SCD5: variants seen among roughly 807,000 people sequenced by gnomAD.
SCD5 encodes acyl-CoA-desaturase 4.
A neutral mutation model predicts 30.4 loss-of-function variants in SCD5; 20 were observed. That is an observed-to-expected ratio of 0.66 (90% confidence interval 0.46 to 0.96). The LOEUF is 0.96. SCD5 is among the 40% of genes least tolerant of loss of function. The pLI is 0.00. For synonymous variants in SCD5, 173 were observed against 176.4 expected (o/e 0.98, Z 0.16); for missense variants, 381 against 443.3 (o/e 0.86, Z 1.26).
chr4:82,791,824 A>G (rs1722104521), intron 1 of SCD5, among the ~76,000 whole-genome samples: 2 of 152,196 alleles, frequency 1.3e-5, no homozygotes, highest in Admixed American at 6.5e-5. Context: ...AACAACAACA[A>G]CAACAAAACC....
At chr4:82,785,660 A>G (rs573632282) in intron 1 of SCD5, among the ~76,000 whole-genome samples, 22 of 152,318 alleles carry the variant, frequency 1.4e-4, no homozygotes, top group African/African-American at 5.3e-4. Flanking sequence ...CCTGCTAAAA[A>G]TGACAAGGGG....
intron 2 of SCD5, among the ~76,000 whole-genome samples, chr4:82,704,055 A>C (rs1719916574): frequency 1.3e-5 from 2 of 152,262 alleles, no homozygotes; most frequent in South Asian, 4.1e-4. Context: ...AATGACAAGC[A>C]GTATATATAC....
At chr4:82,739,430 T>A (rs984032189) in intron 1 of SCD5, among the ~76,000 whole-genome samples, 1 of 152,250 alleles carries the variant, frequency 6.6e-6, no homozygotes, top group Non-Finnish European at 1.5e-5. Flanking sequence ...TTATGAAGCC[T>A]GGTAATGCCC....
intron 1 of SCD5, among the ~76,000 whole-genome samples, chr4:82,711,183 TC>T (rs57938783): frequency 0.032 from 4,866 of 150,338 alleles, 256 homozygotes; most frequent in African/African-American, 0.11. Flanking sequence ...TCTGAAAAGA[TC>T]CCCCCCCCGA....
intron 2 of SCD5, among the ~76,000 whole-genome samples, chr4:82,698,813 G>A (rs1719752294): frequency 6.6e-6 from 1 of 152,182 alleles, no homozygotes; most frequent in Admixed American, 6.5e-5. Flanking sequence ...TTGTAAAGAT[G>A]CCCCATCTTG....
intron 2 of SCD5, among the ~76,000 whole-genome samples, chr4:82,704,473 G>T (rs891864629): frequency 6.6e-6 from 1 of 152,190 alleles, no homozygotes; most frequent in African/African-American, 2.4e-5. Context: ...AGTACCCAAG[G>T]AAAGTACCCA....
rs561903567 is a variant in SCD5 at position 82,735,224 on chromosome 4, T to C, written c.233-29811A>G. Among the ~76,000 whole-genome samples, 196 of 152,294 alleles carry C rather than the reference T, an allele frequency of 1.3e-3. 1 individual carries two copies. Among genetic ancestry groups the C allele is most frequent in the African/African-American group, 4.6e-3 (191 of 41,560 alleles). ...GGTTTGCAAGTTCTCCCCATGTCTGTATGGGTTTTCTCTGGGTACTCTGGT... is the reference window on the plus strand; with the variant it reads ...GGTTTGCAAGTTCTCCCCATGTCTGCATGGGTTTTCTCTGGGTACTCTGGT... On this transcript the variant is annotated intron_variant, in intron 1 of 4. Transcript: ENST00000319540.
chr4:82,680,679 C>A (rs747812321), intron 3 of SCD5, 28 bp downstream of exon 3: 11 of 1,609,528 alleles, frequency 6.8e-6, no homozygotes, highest in Non-Finnish European at 9.4e-6. Context: ...CCCTGAGGGA[C>A]AGCTCTCCGT....
intron 1 of SCD5, among the ~76,000 whole-genome samples, chr4:82,789,985 C>T (rs1380712912): frequency 6.6e-6 from 1 of 151,922 alleles, no homozygotes; most frequent in East Asian, 1.9e-4. Context: ...GTAATTTTTC[C>T]CCCAGGACTG....
intron 2 of SCD5, among the ~76,000 whole-genome samples, chr4:82,688,108 T>A (rs1728750259): frequency 6.6e-6 from 1 of 152,152 alleles, no homozygotes; most frequent in Non-Finnish European, 1.5e-5. Context: ...TGTTTAAAGT[T>A]CCAGAACAAA....
At chr4:82,654,171 C>G (rs1727821339) in intron 3 of SCD5, among the ~76,000 whole-genome samples, 1 of 152,202 alleles carries the variant, frequency 6.6e-6, no homozygotes, top group South Asian at 2.1e-4. Flanking sequence ...CCCACCTCGG[C>G]CTCCCAAAGT....
intron 4 of SCD5, among the ~76,000 whole-genome samples, chr4:82,633,383 T>C (rs1044913534): frequency 6.6e-6 from 1 of 152,242 alleles, no homozygotes; most frequent in Non-Finnish European, 1.5e-5. Flanking sequence ...CATTCATCTG[T>C]TGATGGACAC....
At chr4:82,778,153 T>TG (rs1158390522) in intron 1 of SCD5, among the ~76,000 whole-genome samples, 1 of 151,614 alleles carries the variant, frequency 6.6e-6, no homozygotes, top group Non-Finnish European at 1.5e-5. Context: ...CACTCATAAG[T>TG]GGGAGTTGAA....
At chr4:82,708,161 G>A (rs1243628957) in intron 1 of SCD5, among the ~76,000 whole-genome samples, 1 of 151,992 alleles carries the variant, frequency 6.6e-6, no homozygotes, top group African/African-American at 2.4e-5. Flanking sequence ...TGTATTTTAG[G>A]GCCAGTTGCA....
chr4:82,746,177 G>A (rs534299170), intron 1 of SCD5, among the ~76,000 whole-genome samples: 3 of 152,270 alleles, frequency 2.0e-5, no homozygotes, highest in Admixed American at 1.3e-4. Flanking sequence ...GAGCAGTACC[G>A]GAGAGAAAGT....
At chr4:82,716,448 C>T (rs1720229792) in intron 1 of SCD5, among the ~76,000 whole-genome samples, 1 of 151,902 alleles carries the variant, frequency 6.6e-6, no homozygotes, top group Non-Finnish European at 1.5e-5. Flanking sequence ...GTCAGCCCTC[C>T]TTATCCATGG....
At chr4:82,797,828 T>C (rs1026980934) in intron 1 of SCD5, among the ~76,000 whole-genome samples, 1 of 152,110 alleles carries the variant, frequency 6.6e-6, no homozygotes, top group African/African-American at 2.4e-5. Flanking sequence ...CCAACTCCCT[T>C]ACTTGTCCTC....
intron 4 of SCD5, among the ~76,000 whole-genome samples, chr4:82,633,715 G>A (rs1468078436): frequency 2.0e-5 from 3 of 152,034 alleles, no homozygotes; most frequent in Non-Finnish European, 2.9e-5. Flanking sequence ...GTTTTAATTT[G>A]CATTTCTCTA....
chr4:82,648,297 A>C (rs1469544833), intron 3 of SCD5, among the ~76,000 whole-genome samples: 2 of 152,218 alleles, frequency 1.3e-5, no homozygotes, highest in African/African-American at 4.8e-5. Flanking sequence ...GGAGGCTGAG[A>C]GGTGTCTCAG....
Sources: gnomAD v4.1 joint callset for allele counts (sites outside exome capture counted in the v4.1 genomes callset) on GRCh38, gnomAD v4.1.1 for gene constraint, MANE v1.5 for transcripts, NCBI Gene and HGNC (gene_info 2026-07-23, HGNC 2026-07-21) for gene names.